The following R3HDM2 variants were observed in gnomAD, a reference collection of about 807,000 sequenced individuals.
The protein encoded by R3HDM2 is R3H domain containing 2.
R3HDM2 carries 38 observed loss-of-function variants against 124.5 expected under a neutral mutation model. The ratio of observed to expected loss-of-function variants is 0.31; its 90% CI spans 0.24 to 0.40. The LOEUF is 0.40. Among genes scored for constraint, R3HDM2 ranks in the 10% least tolerant of loss-of-function variants. R3HDM2 has a pLI of 1.00. For synonymous variants in R3HDM2, 391 were observed against 448.0 expected, an observed-to-expected ratio of 0.87 and a Z score of 1.61; for missense variants, 869 against 1,236.9, an observed-to-expected ratio of 0.70 and a Z score of 4.46.
intron 12 of R3HDM2, among the ~76,000 whole-genome samples, chr12:57,286,762 C>T (rs1307126559): frequency 2.6e-5 from 4 of 152,076 alleles, no homozygotes; most frequent in Non-Finnish European, 5.9e-5. Context: ...CCTGTAATCC[C>T]AGCTACTCGG....
intron 6 of R3HDM2, 122 bp from the exon 7 acceptor site, chr12:57,298,290 C>A: frequency 1.3e-6 from 1 of 751,054 alleles, no homozygotes; most frequent in South Asian, 1.8e-5. Context: ...AATCAAACTT[C>A]CAGGGTTTTA....
chr12:57,286,922 T>C (rs971875280), intron 12 of R3HDM2, among the ~76,000 whole-genome samples: 1 of 152,218 alleles, frequency 6.6e-6, no homozygotes, highest in South Asian at 2.1e-4. Flanking sequence ...GGGCTGCACC[T>C]ACTCAGTAGA....
At chr12:57,282,147 TA>T (rs2046301325) in intron 13 of R3HDM2, among the ~76,000 whole-genome samples, 1 of 151,916 alleles carries the variant, frequency 6.6e-6, no homozygotes, top group Non-Finnish European at 1.5e-5. Flanking sequence ...CCATCTCTAC[TA>T]AAAATACAAA....
intron 1 of R3HDM2, among the ~76,000 whole-genome samples, chr12:57,412,787 C>A (rs1484290949): frequency 2.0e-5 from 3 of 151,760 alleles, no homozygotes; most frequent in Admixed American, 6.6e-5. Context: ...GGGCAGATCA[C>A]AAGGTCAGGA....
At chr12:57,305,992 C>A (rs916767119) in intron 3 of R3HDM2, among the ~76,000 whole-genome samples, 1 of 152,172 alleles carries the variant, frequency 6.6e-6, no homozygotes, top group Non-Finnish European at 1.5e-5. Context: ...AGAAAGACAT[C>A]ATCTGGATTG....
At chr12:57,257,644 G>A (rs1293323887) in intron 21 of R3HDM2, among the ~76,000 whole-genome samples, 2 of 152,164 alleles carry the variant, frequency 1.3e-5, no homozygotes, top group Non-Finnish European at 1.5e-5. Flanking sequence ...AGACCATACC[G>A]TTTCTTACAA....
At chr12:57,300,282 C>T in intron 4 of R3HDM2, 101 bp from the exon 5 acceptor site, 1 of 1,001,410 alleles carries the variant, frequency 1.0e-6, no homozygotes, top group Non-Finnish European at 1.5e-6. Context: ...GAAAAGTGTC[C>T]TCTTTGGCTC....
chr12:57,373,645 A>G (rs1034181379), intron 2 of R3HDM2, among the ~76,000 whole-genome samples: 3 of 151,394 alleles, frequency 2.0e-5, no homozygotes, highest in Non-Finnish European at 4.4e-5. Flanking sequence ...TCCTGTCTCT[A>G]CTAAAAATAC....
intron 19 of R3HDM2, among the ~76,000 whole-genome samples, chr12:57,263,762 C>G (rs1322927977): frequency 6.6e-6 from 1 of 152,198 alleles, no homozygotes; most frequent in Non-Finnish European, 1.5e-5. Flanking sequence ...CATGAGACAC[C>G]ATGCCTGGCC....
At chr12:57,417,682 A>G (rs1594629623) in intron 1 of R3HDM2, among the ~76,000 whole-genome samples, 1 of 152,250 alleles carries the variant, frequency 6.6e-6, no homozygotes, top group African/African-American at 2.4e-5. Flanking sequence ...ATTATAATGC[A>G]TTCCATCCAA....
chr12:57,347,987 G>GA (rs1031952580), intron 2 of R3HDM2, among the ~76,000 whole-genome samples: 5 of 150,146 alleles, frequency 3.3e-5, no homozygotes, highest in Admixed American at 6.6e-5. Context: ...CTCAAAAAAA[G>GA]AAAAAAAAAT....
At chr12:57,266,668 C>T in intron 19 of R3HDM2, 63 bp downstream of exon 19, 8 of 1,327,822 alleles carry the variant, frequency 6.0e-6, no homozygotes, top group Non-Finnish European at 8.6e-6. Flanking sequence ...CTCTAGAGCA[C>T]AGGCCCTTCA....
intron 4 of R3HDM2, among the ~76,000 whole-genome samples, chr12:57,301,017 T>C (rs989100685): frequency 7.2e-5 from 11 of 151,892 alleles, no homozygotes; most frequent in African/African-American, 2.4e-4. Flanking sequence ...GGCGGGAGAA[T>C]TGCTTGAGCC....
chr12:57,349,761 C>T (rs1049433122), intron 2 of R3HDM2, among the ~76,000 whole-genome samples: 1 of 151,938 alleles, frequency 6.6e-6, no homozygotes, highest in African/African-American at 2.4e-5. Context: ...GGGGTTTCAC[C>T]ATGTTAGCCA....
intron 1 of R3HDM2, among the ~76,000 whole-genome samples, chr12:57,405,444 G>C (rs879838999): frequency 6.6e-6 from 1 of 152,044 alleles, no homozygotes; most frequent in Non-Finnish European, 1.5e-5. Context: ...GACCAGCCTG[G>C]GCAACATAGT....
intron 12 of R3HDM2, among the ~76,000 whole-genome samples, chr12:57,288,410 G>A (rs2047873423): frequency 6.6e-6 from 1 of 151,162 alleles, no homozygotes; most frequent in Non-Finnish European, 1.5e-5. Context: ...ATATATATAT[G>A]TATTATTTTT....
chr12:57,305,339 G>A (rs897346080), intron 3 of R3HDM2, among the ~76,000 whole-genome samples: 2 of 151,602 alleles, frequency 1.3e-5, no homozygotes, highest in Admixed American at 6.6e-5. Context: ...CTTATTTTAC[G>A]AGTCTCTAAT....
At chr12:57,258,190 T>TATTC in intron 20 of R3HDM2, 53 bp from the exon 21 acceptor site, 1 of 1,386,772 alleles carries the variant, frequency 7.2e-7, no homozygotes, top group Non-Finnish European at 9.5e-7. Context: ...ACCCTCTGGA[T>TATTC]ATTCCTATGG....
chr12:57,404,919 T>C (rs2068392106), intron 1 of R3HDM2, among the ~76,000 whole-genome samples: 1 of 152,074 alleles, frequency 6.6e-6, no homozygotes, highest in African/African-American at 2.4e-5. Context: ...ATAATTAATA[T>C]GAGACAAAGA....
Sources: allele counts gnomAD v4.1 joint callset (sites outside exome capture counted in the v4.1 genomes callset), GRCh38; gene constraint gnomAD v4.1.1; transcripts MANE v1.5; gene names NCBI Gene and HGNC (gene_info 2026-07-23, HGNC 2026-07-21).